Variants in CHFR observed in about 807,000 individuals in gnomAD.
CHFR encodes the protein E3 ubiquitin-protein ligase CHFR.
In CHFR, 57 loss-of-function variants were observed where a neutral mutation model predicts 87.6. The ratio of observed to expected loss-of-function variants is 0.65; its 90% CI spans 0.53 to 0.81. The LOEUF (loss-of-function observed/expected upper bound fraction) is 0.81, where lower values mean the gene tolerates loss of function less well. Among genes scored for constraint, CHFR ranks in the 30% least tolerant of loss-of-function variants. CHFR has a pLI of 0.00. For missense variants in CHFR, 797 were observed against 865.8 expected (o/e 0.92, Z 1.00); for synonymous variants, 381 against 359.2 (o/e 1.06, Z -0.69).
chr12:132,858,725 T>TAAAAAAAAAAAAAAAAA (rs60137048), intron 8 of CHFR, among the ~76,000 whole-genome samples: 1 of 26,788 alleles, frequency 3.7e-5, no homozygotes, highest in Non-Finnish European at 5.7e-5. Context: ...AGACTCCATC[T>TAAAAAAAAAAAAAAAAA]AAAAAAAAAA....
At chr12:132,886,625 A>C (rs1951901184) in intron 2 of CHFR, among the ~76,000 whole-genome samples, 1 of 152,186 alleles carries the variant, frequency 6.6e-6, no homozygotes, top group South Asian at 2.1e-4. Context: ...GACTTTGTTC[A>C]AGTTTTTAGC....
At chr12:132,878,048 C>T (rs1388803186) in intron 2 of CHFR, among the ~76,000 whole-genome samples, 1 of 152,114 alleles carries the variant, frequency 6.6e-6, no homozygotes, top group East Asian at 1.9e-4. Flanking sequence ...ATGATCTGCC[C>T]ACCTTGGCCT....
intron 2 of CHFR, among the ~76,000 whole-genome samples, chr12:132,883,883 C>G (rs2137072378): frequency 6.6e-6 from 1 of 152,332 alleles, no homozygotes; most frequent in South Asian, 2.1e-4. Flanking sequence ...GAGGCCAAGG[C>G]AGGTGGATCA....
At chr12:132,871,967 G>C (rs2291253) in intron 4 of CHFR, 157,241 of 291,730 alleles carry the variant, frequency 0.54, 43,573 homozygotes, top group East Asian at 0.82. Flanking sequence ...CCTGGTCCTA[G>C]GTTTTATTCC....
chr12:132,871,696 C>T (rs556584103), intron 4 of CHFR, among the ~76,000 whole-genome samples: 9 of 152,096 alleles, frequency 5.9e-5, no homozygotes, highest in South Asian at 2.1e-4. Context: ...TGCTTGAACC[C>T]GGCAGGTGGA....
intron 12 of CHFR, among the ~76,000 whole-genome samples, chr12:132,851,022 C>T (rs1011233294): frequency 9.5e-4 from 124 of 130,726 alleles, no homozygotes; most frequent in African/African-American, 3.1e-3. Flanking sequence ...ACAGGATTTC[C>T]CTCTGTCGCC....
chr12:132,862,200 G>A (rs571771619), intron 6 of CHFR: 12 of 206,922 alleles, frequency 5.8e-5, no homozygotes, highest in East Asian at 5.0e-4. Context: ...GCTTGAACCC[G>A]GGAGGCGGAG....
intron 2 of CHFR, among the ~76,000 whole-genome samples, chr12:132,882,710 T>G (rs1393484265): frequency 2.0e-5 from 3 of 151,772 alleles, no homozygotes; most frequent in African/African-American, 7.3e-5. Context: ...CATCAGGTTT[T>G]TTTTTTTTTC....
intron 3 of CHFR, among the ~76,000 whole-genome samples, chr12:132,873,136 C>T (rs1249659913): frequency 1.3e-5 from 2 of 152,170 alleles, no homozygotes; most frequent in Admixed American, 1.3e-4. Context: ...CCACACAGGC[C>T]TCAGCTCTGC....
intron 3 of CHFR, among the ~76,000 whole-genome samples, chr12:132,874,718 G>A (rs1426564517): frequency 2.0e-5 from 3 of 146,776 alleles, no homozygotes; most frequent in Admixed American, 6.8e-5. Context: ...GAACAGGCAG[G>A]AAGGCCCGGG....
At chr12:132,875,913 G>A (rs764189832) in intron 3 of CHFR, among the ~76,000 whole-genome samples, 70 of 151,842 alleles carry the variant, frequency 4.6e-4, no homozygotes, top group Non-Finnish European at 8.0e-4. Context: ...GATGGCTCAC[G>A]CCTGTAATCC....
intron 10 of CHFR, 124 bp from the exon 11 acceptor site, chr12:132,853,697 G>C (rs1000926941): frequency 2.6e-5 from 32 of 1,208,908 alleles, no homozygotes; most frequent in African/African-American, 3.2e-5. Context: ...GGTGTGAGGG[G>C]AAGGGCCGGG....
At chr12:132,847,780 CCCTCA>C in intron 14 of CHFR, 1 of 1,266,246 alleles carries the variant, frequency 7.9e-7, no homozygotes, top group Non-Finnish European at 1.0e-6. Context: ...CTTCAAGAAG[CCCTCA>C]CCGAGAGCTG....
rs1950942487 is a variant in CHFR at position 132,851,472 on chromosome 12, T to C, written c.1492+146A>G. On this transcript the variant is annotated intron_variant, in intron 12 of 17. Coordinates refer to ENST00000450056, the MANE Select transcript of CHFR (RefSeq NM_001161346.2). ...GGAAAAGATAGATTATTCAATATGG[T>C]GACGTGGGGAAAACTGATCACACTG... 7.8e-6 allele frequency: 7 copies of C among 894,292 alleles called. No individual in the cohort carries two copies. The South Asian group carries it at 1.4e-4, about 18-fold the overall frequency. The allele number at this position is 894,292 out of a possible 1,614,324, so 55.4% of individuals were successfully genotyped here.
At chr12:132,856,440 T>A (rs1488905793) in intron 10 of CHFR, 28 bp downstream of exon 10, 6 of 1,612,012 alleles carry the variant, frequency 3.7e-6, no homozygotes, top group East Asian at 2.2e-5. Context: ...GCTCACACAC[T>A]CTGCTCTGAG....
At chr12:132,864,175 T>C (rs946917940) in intron 6 of CHFR, among the ~76,000 whole-genome samples, 1 of 135,150 alleles carries the variant, frequency 7.4e-6, no homozygotes, top group Non-Finnish European at 1.7e-5. Flanking sequence ...TGTTATTATT[T>C]GAAAAAAAAA....
chr12:132,870,590 G>T (rs1951466109), intron 5 of CHFR, 134 bp downstream of exon 5: 1 of 557,840 alleles, frequency 1.8e-6, no homozygotes, highest in Non-Finnish European at 3.2e-6. Flanking sequence ...AACCCAGGAG[G>T]CGGAGGCTGC....
Position 132,851,770 on chromosome 12 carries a change from G to A in CHFR, c.1373-33C>T, listed in dbSNP as rs74543332. The A allele has an allele frequency of 3.8e-4, 600 of 1,594,172 alleles. 5 individuals are homozygous for A. In the East Asian group the frequency reaches 7.6e-3, roughly 20 times the overall value. ...ACACGCACATTCAGCCGGAGCACGT[G>A]GGACCCAGGGCAGAAAGACAGCAGG... On this transcript the variant is annotated intron_variant, in intron 11 of 17. Coordinates refer to ENST00000450056, the MANE Select transcript of CHFR (RefSeq NM_001161346.2).
chr12:132,847,603 C>T (rs1950857005), intron 14 of CHFR: 2 of 1,067,950 alleles, frequency 1.9e-6, no homozygotes, highest in African/African-American at 3.3e-5. Flanking sequence ...GCCTCAAGGC[C>T]CCACCATTGT....
Sources: allele counts gnomAD v4.1 joint callset (sites outside exome capture counted in the v4.1 genomes callset), GRCh38; gene constraint gnomAD v4.1.1; transcripts MANE v1.5; gene names NCBI Gene and HGNC (gene_info 2026-07-23, HGNC 2026-07-21).